COPS2: variants seen among roughly 807,000 people sequenced by gnomAD.
The protein encoded by COPS2 is COP9 signalosome complex subunit 2.
COPS2 carries 10 observed loss-of-function variants against 66.1 expected under a neutral mutation model. The ratio of observed to expected loss-of-function variants is 0.15; its 90% confidence interval spans 0.09 to 0.26. The LOEUF is 0.26. Among genes scored for constraint, COPS2 ranks in the 10% least tolerant of loss-of-function variants. The probability of loss-of-function intolerance (pLI) is 1.00; values close to 1 mark genes in which losing one functional copy is unlikely to be tolerated. For synonymous variants in COPS2, 179 were observed against 171.3 expected, an observed-to-expected ratio of 1.04 and a Z score of -0.35; for missense variants, 215 against 513.3, an observed-to-expected ratio of 0.42 and a Z score of 5.62.
chr15:49,145,393 T>C (rs1400952248), intron 1 of COPS2, among the ~76,000 whole-genome samples: 1 of 152,194 alleles, frequency 6.6e-6, no homozygotes, highest in African/African-American at 2.4e-5. Flanking sequence ...ACCCCAATTC[T>C]GTAGTTGCTA....
intron 9 of COPS2, among the ~76,000 whole-genome samples, chr15:49,132,174 A>G (rs1365784338): frequency 6.6e-6 from 1 of 152,170 alleles, no homozygotes. Context: ...TTCTTAGTTA[A>G]TGTGACCAAA....
At chr15:49,137,018 T>G in intron 6 of COPS2, 132 bp downstream of exon 6, 1 of 651,016 alleles carries the variant, frequency 1.5e-6, no homozygotes. Context: ...ATTTTATAAC[T>G]TATTTTCTAA....
At chr15:49,143,342 A>C (rs1348872472) in intron 3 of COPS2, among the ~76,000 whole-genome samples, 1 of 152,236 alleles carries the variant, frequency 6.6e-6, no homozygotes. Flanking sequence ...AGAATGGCAT[A>C]ATCTGACTTA....
At chr15:49,145,632 T>C (rs551258547) in intron 1 of COPS2, among the ~76,000 whole-genome samples, 108 of 152,274 alleles carry the variant, frequency 7.1e-4, no homozygotes, top group African/African-American at 2.3e-3. Context: ...AACAGCTGTT[T>C]ATACTAATGT....
chr15:49,131,916 G>C (rs1392277323), intron 9 of COPS2, among the ~76,000 whole-genome samples: 1 of 152,242 alleles, frequency 6.6e-6, no homozygotes, highest in South Asian at 2.1e-4. Flanking sequence ...ATTAAAATAA[G>C]TTTTGAGTTC....
intron 11 of COPS2, 111 bp downstream of exon 11, chr15:49,129,366 A>G: frequency 2.7e-6 from 1 of 371,554 alleles, no homozygotes; most frequent in Admixed American, 5.2e-5. Context: ...TAAAAAATGT[A>G]TTATTATAAT....
intron 4 of COPS2, among the ~76,000 whole-genome samples, chr15:49,138,741 A>G (rs951216070): frequency 5.3e-5 from 8 of 152,188 alleles, no homozygotes; most frequent in Non-Finnish European, 1.2e-4. Context: ...AAAGACATTA[A>G]ATGAGGCTGA....
At chr15:49,142,638 A>T (rs1296065230) in intron 3 of COPS2, among the ~76,000 whole-genome samples, 1 of 152,156 alleles carries the variant, frequency 6.6e-6, no homozygotes, top group Non-Finnish European at 1.5e-5. Flanking sequence ...CTTTCTCTCA[A>T]AAGTTCTTCT....
chr15:49,127,991 G>C lies in COPS2; in HGVS notation c.1291C>G (p.Leu431Val), dbSNP rs1284446087. ...YTALDKWTNQ[L>V]NSLNQAVVSK... ...ACTACAGCCTGGTTGAGAGAATTTAGTTGGTTGGTCCATTTATCTAGTGCA... is the reference window on the plus strand; with the variant it reads ...ACTACAGCCTGGTTGAGAGAATTTACTTGGTTGGTCCATTTATCTAGTGCA... Residue 431 changes from leucine (L) to valine (V), a missense_variant, in exon 13 of 13, where the codon CTA becomes GTA. Physicochemically the swap from Leu to Val is conservative, Grantham distance 32. Coordinates refer to ENST00000388901, the MANE Select transcript of COPS2 (RefSeq NM_004236.4). 1 of 1,613,954 alleles carries C rather than the reference G, an allele frequency of 6.2e-7. No individual in the cohort carries two copies. The highest frequency in any genetic ancestry group is 1.1e-5 in the South Asian group (1 of 91,072).
At chr15:49,137,587 A>G (rs764174007) in intron 4 of COPS2, 150 bp from the exon 5 acceptor site, 4 of 587,240 alleles carry the variant, frequency 6.8e-6, no homozygotes, top group Non-Finnish European at 1.2e-5. Context: ...AGTCCAAAAA[A>G]TTAACAAACT....
chr15:49,131,617 T>C lies in COPS2; in HGVS notation c.948-801A>G, dbSNP rs2141123210. ...TAACCTCATATTAGGGGCACGTGATTCAAGTGCTTTGACAGGAATTATTTT... is the reference window on the plus strand; with the variant it reads ...TAACCTCATATTAGGGGCACGTGATCCAAGTGCTTTGACAGGAATTATTTT... On this transcript the variant is annotated intron_variant, in intron 9 of 12. Coordinates refer to ENST00000388901, the MANE Select transcript of COPS2 (RefSeq NM_004236.4). Among the ~76,000 whole-genome samples, 3 of 152,120 alleles carry C rather than the reference T, an allele frequency of 2.0e-5. No individual in the cohort carries two copies. In the East Asian group the frequency reaches 5.8e-4, roughly 29 times the overall value.
At chr15:49,141,509 A>G (rs1297110896) in intron 3 of COPS2, among the ~76,000 whole-genome samples, 1 of 148,652 alleles carries the variant, frequency 6.7e-6, no homozygotes, top group African/African-American at 2.5e-5. Context: ...ATCTCAAAAG[A>G]AAAAAAAAAA....
chr15:49,137,707 T>C (rs1177454486), intron 4 of COPS2: 2 of 326,954 alleles, frequency 6.1e-6, no homozygotes, highest in South Asian at 1.2e-4. Context: ...GCTGTAATAG[T>C]ACACGTTTGT....
intron 1 of COPS2, among the ~76,000 whole-genome samples, chr15:49,150,426 A>G (rs2084352154): frequency 6.6e-6 from 1 of 152,140 alleles, no homozygotes; most frequent in African/African-American, 2.4e-5. Flanking sequence ...TTCGCTATGT[A>G]CATAGCACTG....
chr15:49,128,614 A>T, intron 12 of COPS2, 88 bp downstream of exon 12: 1 of 918,358 alleles, frequency 1.1e-6, no homozygotes. Flanking sequence ...TTTTATGAAT[A>T]ATCAAGAATC....
intron 1 of COPS2, among the ~76,000 whole-genome samples, chr15:49,155,279 G>A (rs1273954522): frequency 6.6e-6 from 1 of 152,382 alleles, no homozygotes; most frequent in African/African-American, 2.4e-5. Flanking sequence ...CCGAAGAGGC[G>A]CTCAGACTCG....
At chr15:49,129,684 T>G (rs986127439) in intron 10 of COPS2, 125 bp from the exon 11 acceptor site, 4 of 434,794 alleles carry the variant, frequency 9.2e-6, no homozygotes, top group African/African-American at 8.2e-5. Flanking sequence ...TATAAAGTGT[T>G]TAGATTTTAA....
At position 49,126,623 on chromosome 15, in the gene COPS2, C is replaced by T. The variant is rs1375885984; in HGVS notation, c.*1327G>A. The stretch of plus-strand genomic sequence containing the variant: ...TTTTTAAAAAATGAAACAAATACAT[C>T]CAAAACTCAATACATTCAAATGAGC... On this transcript the variant is annotated 3_prime_UTR_variant, in exon 13 of 13. Coordinates refer to ENST00000388901, the MANE Select transcript of COPS2 (RefSeq NM_004236.4). 6.6e-6 allele frequency: 1 copy of T among 152,206 alleles called. No homozygotes were observed. Among genetic ancestry groups the T allele is most frequent in the Non-Finnish European group, 1.5e-5 (1 of 67,946 alleles). The allele number at this position is 152,206 out of a possible 1,614,324, so 9.4% of individuals were successfully genotyped here.
rs1272723406 is a variant in COPS2, at chr15:49,144,323, T to G, written c.169-19A>C. The stretch of plus-strand genomic sequence containing the variant: ...CCAAAACCTAAAAAGAGGAAGAAAT[T>G]TTTAGTTTATCTTAATATTAACACA... On this transcript the variant is annotated intron_variant, in intron 2 of 12. Coordinates refer to ENST00000388901, the MANE Select transcript of COPS2 (RefSeq NM_004236.4). 17 of 1,475,880 alleles carry G rather than the reference T, an allele frequency of 1.2e-5. No homozygotes were observed. The highest frequency in any genetic ancestry group is 2.3e-5 in the South Asian group (2 of 87,000). The allele number at this position is 1,475,880 out of a possible 1,614,324, so 91.4% of individuals were successfully genotyped here. A position where few individuals can be genotyped will look rare whatever the true frequency, so the allele number is the denominator to read the frequency against.
Sources: allele counts gnomAD v4.1 joint callset (sites outside exome capture counted in the v4.1 genomes callset), GRCh38; gene constraint gnomAD v4.1.1; transcripts MANE v1.5; gene names NCBI Gene and HGNC (gene_info 2026-07-23, HGNC 2026-07-21).